NTRK3: variants seen among roughly 807,000 people sequenced by gnomAD.
NTRK3 encodes the protein NT-3 growth factor receptor.
Under a neutral mutation model 91.7 loss-of-function variants are expected in NTRK3, and 24 were observed. That is an observed-to-expected ratio of 0.26 (90% CI 0.19 to 0.37). The LOEUF is 0.37. NTRK3 is among the 10% of genes least tolerant of loss of function. The pLI is 1.00. For synonymous variants in NTRK3, 483 were observed against 404.0 expected (o/e 1.20, Z -2.34); for missense variants, 880 against 1,068.9 (o/e 0.82, Z 2.46).
chr15:87,909,976 C>T (rs1348019025), intron 17 of NTRK3, among the ~76,000 whole-genome samples: 1 of 152,174 alleles, frequency 6.6e-6, no homozygotes, highest in African/African-American at 2.4e-5. Context: ...TGGAGCACTG[C>T]TATGGCAGCC....
At chr15:88,248,600 G>A (rs1039009275) in intron 3 of NTRK3, among the ~76,000 whole-genome samples, 1 of 152,270 alleles carries the variant, frequency 6.6e-6, no homozygotes, top group South Asian at 2.1e-4. Flanking sequence ...AGCATAGGCA[G>A]TATAGCTTAA....
intron 5 of NTRK3, among the ~76,000 whole-genome samples, chr15:88,154,753 T>A (rs535267612): frequency 1.6e-4 from 24 of 152,280 alleles, no homozygotes; most frequent in Non-Finnish European, 1.2e-4. Flanking sequence ...CTGCAATATG[T>A]TCATGGGTAT....
intron 5 of NTRK3, among the ~76,000 whole-genome samples, chr15:88,167,867 T>C (rs2045132667): frequency 1.3e-5 from 2 of 152,164 alleles, no homozygotes; most frequent in African/African-American, 4.8e-5. Flanking sequence ...AATTCTGATA[T>C]GAGGTATGAT....
intron 13 of NTRK3, among the ~76,000 whole-genome samples, chr15:88,053,048 A>G (rs1322162066): frequency 6.6e-6 from 1 of 152,214 alleles, no homozygotes; most frequent in Non-Finnish European, 1.5e-5. Flanking sequence ...CAAAACATTT[A>G]TTAGGAACCT....
intron 5 of NTRK3, among the ~76,000 whole-genome samples, chr15:88,182,503 C>G (rs1366441892): frequency 1.2e-4 from 18 of 152,152 alleles, no homozygotes; most frequent in African/African-American, 4.3e-4. Flanking sequence ...GAAAGACTAG[C>G]CCATAGCACA....
chr15:88,056,198 ATATATT>A (rs1272377335), intron 13 of NTRK3, among the ~76,000 whole-genome samples: 193 of 96,830 alleles, frequency 2.0e-3, no homozygotes, highest in African/African-American at 6.8e-3. Context: ...ATATATATAT[ATATATT>A]TTTTTTTTAA....
chr15:87,978,406 G>A, intron 14 of NTRK3: 1 of 229,352 alleles, frequency 4.4e-6, no homozygotes. Flanking sequence ...TGATTCCATT[G>A]GGTTCCAAAA....
At chr15:88,005,393 T>A (rs759948349) in intron 14 of NTRK3, among the ~76,000 whole-genome samples, 1 of 152,122 alleles carries the variant, frequency 6.6e-6, no homozygotes, top group Non-Finnish European at 1.5e-5. Context: ...TAGGCAATTG[T>A]TCCAAACAGC....
intron 17 of NTRK3, among the ~76,000 whole-genome samples, chr15:87,903,786 T>G (rs1297692473): frequency 2.0e-5 from 3 of 152,200 alleles, no homozygotes; most frequent in African/African-American, 7.2e-5. Flanking sequence ...TCACAAGACT[T>G]GGGATAGCAA....
intron 14 of NTRK3, among the ~76,000 whole-genome samples, chr15:87,943,599 G>C (rs1293795707): frequency 6.6e-6 from 1 of 152,142 alleles, no homozygotes; most frequent in Non-Finnish European, 1.5e-5. Context: ...TGCAAAATGG[G>C]AATGGAGGAA....
At chr15:87,949,987 T>A (rs548027203) in intron 14 of NTRK3, among the ~76,000 whole-genome samples, 2 of 152,254 alleles carry the variant, frequency 1.3e-5, no homozygotes, top group African/African-American at 4.8e-5. Flanking sequence ...AAAGTGCCCA[T>A]ATGAGGGTCA....
intron 5 of NTRK3, among the ~76,000 whole-genome samples, chr15:88,158,241 C>T (rs2044101316): frequency 6.6e-6 from 1 of 152,182 alleles, no homozygotes; most frequent in South Asian, 2.1e-4. Flanking sequence ...CTGCCCATTG[C>T]CAGTCACCAC....
At chr15:88,249,778 G>T (rs2053178639) in intron 3 of NTRK3, among the ~76,000 whole-genome samples, 1 of 152,158 alleles carries the variant, frequency 6.6e-6, no homozygotes. Context: ...AGGAGGATTT[G>T]TGTTCCTCAA....
intron 14 of NTRK3, among the ~76,000 whole-genome samples, chr15:87,982,885 C>G (rs1431158029): frequency 1.3e-5 from 2 of 152,174 alleles, no homozygotes; most frequent in Non-Finnish European, 2.9e-5. Flanking sequence ...CCTTGGGATT[C>G]TGGAGCTACC....
chr15:88,115,827 C>T (rs1051373503), intron 13 of NTRK3, among the ~76,000 whole-genome samples: 5 of 152,082 alleles, frequency 3.3e-5, no homozygotes, highest in Admixed American at 2.0e-4. Context: ...GCGGGCAGCC[C>T]GGGCAGCCCA....
At chr15:88,095,137 T>C (rs2049452057) in intron 13 of NTRK3, among the ~76,000 whole-genome samples, 1 of 152,104 alleles carries the variant, frequency 6.6e-6, no homozygotes, top group Non-Finnish European at 1.5e-5. Flanking sequence ...GAAGGAAGAG[T>C]GAGAACAGCT....
intron 13 of NTRK3, among the ~76,000 whole-genome samples, chr15:88,070,594 T>G (rs1043911101): frequency 2.4e-4 from 37 of 152,096 alleles, no homozygotes; most frequent in African/African-American, 8.7e-4. Context: ...CAAACTCCCA[T>G]TCCCAGATCC....
At chr15:88,202,050 A>ACAT (rs2048350463) in intron 3 of NTRK3, among the ~76,000 whole-genome samples, 1 of 151,626 alleles carries the variant, frequency 6.6e-6, no homozygotes, top group African/African-American at 2.4e-5. Flanking sequence ...GTGAAGATCT[A>ACAT]TTTTCCTCTG....
At chr15:87,940,244 T>C (rs938600673) in intron 15 of NTRK3, among the ~76,000 whole-genome samples, 2 of 152,058 alleles carry the variant, frequency 1.3e-5, no homozygotes, top group African/African-American at 4.8e-5. Context: ...ACAGCTCAGC[T>C]ACTGAGAAAT....
Sources: gnomAD v4.1 joint callset for allele counts (sites outside exome capture counted in the v4.1 genomes callset) on GRCh38, gnomAD v4.1.1 for gene constraint, MANE v1.5 for transcripts, NCBI Gene and HGNC (gene_info 2026-07-23, HGNC 2026-07-21) for gene names.